Variants in MLKL observed in about 807,000 individuals in gnomAD.
The protein encoded by MLKL is mixed lineage kinase domain like pseudokinase.
Under a neutral mutation model 56.5 loss-of-function variants are expected in MLKL, and 55 were observed. That is an observed-to-expected ratio of 0.97 (90% CI 0.78 to 1.22). MLKL has a LOEUF of 1.22. MLKL is among the 50% of genes most tolerant of loss of function. The pLI, the probability that MLKL is intolerant of heterozygous loss-of-function variation, is 0.00. For synonymous variants in MLKL, 251 were observed against 208.3 expected (o/e 1.20, Z -1.76); for missense variants, 694 against 573.9 (o/e 1.21, Z -2.14).
chr16:74,695,252 A>C, intron 2 of MLKL, 46 bp downstream of exon 2: 1 of 1,567,046 alleles, frequency 6.4e-7, no homozygotes, highest in South Asian at 1.1e-5. Flanking sequence ...GTGAGACTAA[A>C]ATGCATTCAA....
intron 1 of MLKL, among the ~76,000 whole-genome samples, chr16:74,696,613 C>G (rs1179786630): frequency 6.7e-6 from 1 of 149,594 alleles, no homozygotes; most frequent in Non-Finnish European, 1.5e-5. Context: ...AAAGTGAGAC[C>G]CTTTCTCTAC....
At chr16:74,699,393 T>G (rs1279899668) in intron 1 of MLKL, among the ~76,000 whole-genome samples, 1 of 152,212 alleles carries the variant, frequency 6.6e-6, no homozygotes, top group Non-Finnish European at 1.5e-5. Flanking sequence ...GACTTGCCTG[T>G]ATGAAATTAA....
At chr16:74,675,136 T>A (rs749137951) in intron 9 of MLKL, 36 bp from the exon 10 acceptor site, 16 of 1,610,668 alleles carry the variant, frequency 9.9e-6, no homozygotes, top group Non-Finnish European at 1.4e-5. Context: ...AAAAAATTGC[T>A]CCGCTACTCG....
At chr16:74,679,115 T>C in intron 6 of MLKL, 135 bp from the exon 7 acceptor site, 2 of 660,598 alleles carry the variant, frequency 3.0e-6, no homozygotes, top group Non-Finnish European at 5.4e-6. Context: ...AAAACTGGGA[T>C]GTAGAGGCAA....
intron 3 of MLKL, 54 bp downstream of exon 3, chr16:74,692,288 T>A: frequency 2.7e-6 from 4 of 1,503,464 alleles, no homozygotes; most frequent in Non-Finnish European, 3.7e-6. Context: ...CCCAGTAAAC[T>A]GATGACTTCT....
At chr16:74,685,393 T>C in intron 5 of MLKL, 93 bp downstream of exon 5, 1 of 914,782 alleles carries the variant, frequency 1.1e-6, no homozygotes. Context: ...TTCCACCCTT[T>C]GTGATGTTCT....
chr16:74,672,839 A>G (rs1269667103), intron 10 of MLKL, among the ~76,000 whole-genome samples: 1 of 152,206 alleles, frequency 6.6e-6, no homozygotes, highest in Non-Finnish European at 1.5e-5. Flanking sequence ...TGGTAGAAGA[A>G]GAAAGAAGAC....
intron 2 of MLKL, among the ~76,000 whole-genome samples, chr16:74,693,883 G>A (rs62051063): frequency 0.032 from 4,878 of 152,160 alleles, 110 homozygotes; most frequent in Non-Finnish European, 0.05. Context: ...GATTACAGGC[G>A]TGAGCCACCC....
chr16:74,679,109 C>T, intron 6 of MLKL, 129 bp from the exon 7 acceptor site: 1 of 690,240 alleles, frequency 1.4e-6, no homozygotes, highest in Non-Finnish European at 2.5e-6. Context: ...ACAGGAAAAA[C>T]TGGGATGTAG....
At chr16:74,694,096 A>T (rs900882701) in intron 2 of MLKL, among the ~76,000 whole-genome samples, 1 of 152,190 alleles carries the variant, frequency 6.6e-6, no homozygotes, top group African/African-American at 2.4e-5. Context: ...GATATTTAAG[A>T]TTATTTAATG....
At position 74,695,505 on chromosome 16, in the gene MLKL, T is replaced by C; in HGVS notation, c.253A>G (p.Ile85Val). ...TGGCTTGCTGTTAGAAACCTGCAGATATTGGATCTATTGCTGAACTTTTCT... is the reference window on the plus strand; with the variant it reads ...TGGCTTGCTGTTAGAAACCTGCAGACATTGGATCTATTGCTGAACTTTTCT... The part of the protein sequence containing the change: ...EIEKFSNRSN[I>V]CRFLTASQDK... The change falls in exon 2 of 11, where the codon ATC (isoleucine) becomes GTC (valine). Residue 85 changes from isoleucine to valine, a missense_variant. By Grantham distance (29) the Ile-to-Val change is conservative (BLOSUM62 3). Transcript: ENST00000308807. 1 of 1,614,188 alleles carries C rather than the reference T, an allele frequency of 6.2e-7. No individual in the cohort carries two copies. The highest frequency in any genetic ancestry group is 8.5e-7 in the Non-Finnish European group (1 of 1,180,046).
intron 4 of MLKL, 42 bp from the exon 5 acceptor site, chr16:74,685,625 A>C: frequency 2.0e-6 from 3 of 1,519,086 alleles, no homozygotes; most frequent in Non-Finnish European, 2.7e-6. Context: ...CAGAACTGGA[A>C]GGTTCCTTAG....
At position 74,687,427 on chromosome 16, in the gene MLKL, A is replaced by T. The variant is rs939422789; in HGVS notation, c.723-1844T>A. 2.6e-5 allele frequency among the ~76,000 whole-genome samples: 4 copies of T among 152,250 alleles called. No individual in the cohort carries two copies. The East Asian group carries it at 7.7e-4, about 29-fold the overall frequency. On this transcript the variant is annotated intron_variant, in intron 4 of 10. Transcript: ENST00000308807. ...TGTAGTTGGCTTAAAAAAAAAAAGCAAAAACAAAAACTGAAATTGACAAGA... is the reference window on the plus strand; with the variant it reads ...TGTAGTTGGCTTAAAAAAAAAAAGCTAAAACAAAAACTGAAATTGACAAGA...
chr16:74,695,614 T>A lies in MLKL; in HGVS notation c.144A>T (p.Gln48His). Residue 48 changes from glutamine to histidine, a missense_variant, in exon 2 of 11, where the codon CAA becomes CAT. Gln to His is a conservative substitution (Grantham distance 24). Coordinates refer to ENST00000308807, the MANE Select transcript of MLKL (RefSeq NM_152649.4). ...LIKPLEMLQDQGKRSVPSEKL... is the reference protein window; with the variant it reads ...LIKPLEMLQDHGKRSVPSEKL... ...TCTCAGAGGGCACGCTCCTCTTTCC[T>A]TGGTCCTGGAGCATCTCCAGAGGCT... 2 of 1,614,256 alleles carry A rather than the reference T, an allele frequency of 1.2e-6. No homozygotes were observed. The highest frequency in any genetic ancestry group is 1.7e-6 in the Non-Finnish European group (2 of 1,180,052).
chr16:74,682,474 G>T (rs977753406), intron 6 of MLKL, among the ~76,000 whole-genome samples, 177 bp downstream of exon 6: 5 of 152,276 alleles, frequency 3.3e-5, no homozygotes, highest in Admixed American at 1.3e-4. Context: ...GGGAGCTGGT[G>T]TTCCCTGGGT....
At chr16:74,685,340 G>T (rs1171899986) in intron 5 of MLKL, 146 bp downstream of exon 5, 1 of 513,328 alleles carries the variant, frequency 1.9e-6, no homozygotes, top group Non-Finnish European at 3.4e-6. Flanking sequence ...ATCTTGGGAT[G>T]AAAAAAAAAA....
intron 1 of MLKL, among the ~76,000 whole-genome samples, chr16:74,699,612 C>T (rs1961257419): frequency 6.6e-6 from 1 of 152,014 alleles, no homozygotes; most frequent in East Asian, 1.9e-4. Flanking sequence ...CACTGCAGTG[C>T]TATTTATAAT....
chr16:74,693,831 C>T (rs1306958232), intron 2 of MLKL, among the ~76,000 whole-genome samples: 3 of 152,084 alleles, frequency 2.0e-5, no homozygotes, highest in African/African-American at 7.2e-5. Context: ...TCTCAATCTC[C>T]TGACCTCATG....
At chr16:74,679,033 G>T in intron 6 of MLKL, 53 bp from the exon 7 acceptor site, 1 of 1,433,734 alleles carries the variant, frequency 7.0e-7, no homozygotes, top group Non-Finnish European at 9.8e-7. Flanking sequence ...ACTTTCTTTG[G>T]GGGACTGACA....
Sources: allele counts gnomAD v4.1 joint callset (sites outside exome capture counted in the v4.1 genomes callset), GRCh38; gene constraint gnomAD v4.1.1; transcripts MANE v1.5; gene names NCBI Gene and HGNC (gene_info 2026-07-23, HGNC 2026-07-21).